UBAC2: variants seen among roughly 807,000 people sequenced by gnomAD.
UBAC2 encodes the protein ubiquitin-associated domain-containing protein 2.
Under a neutral mutation model 44.0 loss-of-function variants are expected in UBAC2, and 26 were observed. The observed-to-expected ratio is 0.59, with a 90% CI of 0.43 to 0.82. The LOEUF (loss-of-function observed/expected upper bound fraction) is 0.82. Among genes scored for constraint, UBAC2 ranks in the 40% least tolerant of loss-of-function variants. The pLI is 0.00. For synonymous variants in UBAC2, 155 were observed against 154.3 expected (o/e 1.00, Z -0.04); for missense variants, 329 against 419.4 (o/e 0.78, Z 1.88).
At chr13:99,271,639 ATACT>A (rs1251342790) in intron 4 of UBAC2, among the ~76,000 whole-genome samples, 1 of 152,204 alleles carries the variant, frequency 6.6e-6, no homozygotes, top group African/African-American at 2.4e-5. Flanking sequence ...CATTTTATAC[ATACT>A]TAGAGTTTTT....
At chr13:99,308,810 G>A (rs1188206110) in intron 4 of UBAC2, 1 of 152,180 alleles carries the variant, frequency 6.6e-6, no homozygotes, top group African/African-American at 2.4e-5. Flanking sequence ...TAAAATAAAG[G>A]TATTGAACTA....
intron 4 of UBAC2, among the ~76,000 whole-genome samples, chr13:99,261,341 G>GTATCTAAAC (rs1594063610): frequency 6.6e-6 from 1 of 152,164 alleles, no homozygotes; most frequent in Admixed American, 6.5e-5. Context: ...TCTCAAACTT[G>GTATCTAAAC]TATCTAAACT....
chr13:99,351,279 T>C (rs2045083543), intron 7 of UBAC2, among the ~76,000 whole-genome samples: 1 of 152,224 alleles, frequency 6.6e-6, no homozygotes, highest in Non-Finnish European at 1.5e-5. Context: ...CCAACCTTGA[T>C]AGTTATTACT....
intron 7 of UBAC2, among the ~76,000 whole-genome samples, chr13:99,361,294 CAAAGT>C (rs893232201): frequency 2.6e-5 from 4 of 152,092 alleles, no homozygotes; most frequent in African/African-American, 9.7e-5. Context: ...TTGAAGAAGA[CAAAGT>C]AAAGGAAACA....
chr13:99,234,225 C>T (rs1281518253), intron 1 of UBAC2, among the ~76,000 whole-genome samples: 3 of 134,084 alleles, frequency 2.2e-5, no homozygotes, highest in African/African-American at 8.3e-5. Flanking sequence ...CTCTGTCGCC[C>T]AGGCTGGAGT....
chr13:99,207,792 G>C (rs2042889907), intron 1 of UBAC2, among the ~76,000 whole-genome samples: 1 of 152,118 alleles, frequency 6.6e-6, no homozygotes, highest in Non-Finnish European at 1.5e-5. Flanking sequence ...CTTCGTTCCA[G>C]CTTAGGATCC....
At chr13:99,277,906 G>A (rs2043905147) in intron 4 of UBAC2, among the ~76,000 whole-genome samples, 1 of 152,166 alleles carries the variant, frequency 6.6e-6, no homozygotes. Context: ...CCATCTGTAG[G>A]AACATAACGT....
rs1555325445 is a variant in UBAC2 at position 99,268,630 on chromosome 13, A to AAAG, written c.389+24008_389+24009insGAA. On this transcript the variant is annotated intron_variant, in intron 4 of 8. Transcript: ENST00000403766. ...CTGTCTCAAAAAAAAAAAAAAAAAA[A>AAAG]AAAAGAAACACAAAAGGTAAAGAAG... 3.3e-3 allele frequency among the ~76,000 whole-genome samples: 461 copies of AAAG among 140,540 alleles called. 1 individual carries two copies. Among genetic ancestry groups the AAAG allele is most frequent in the Middle Eastern group, 7.8e-3 (2 of 256 alleles). 92.2% of individuals were successfully genotyped at this position (140,540 alleles called of 152,430 possible).
chr13:99,233,574 G>A (rs1054204249), intron 1 of UBAC2, among the ~76,000 whole-genome samples: 3 of 152,152 alleles, frequency 2.0e-5, no homozygotes, highest in East Asian at 1.9e-4. Flanking sequence ...TTGAAAGGCC[G>A]CAGGAGCTGG....
intron 4 of UBAC2, among the ~76,000 whole-genome samples, chr13:99,290,051 A>T (rs187130737): frequency 6.6e-6 from 1 of 152,300 alleles, no homozygotes; most frequent in East Asian, 1.9e-4. Context: ...GAGAGAAAAT[A>T]CGATGATGAA....
chr13:99,272,295 A>G (rs936748676), intron 4 of UBAC2, among the ~76,000 whole-genome samples: 1 of 152,220 alleles, frequency 6.6e-6, no homozygotes, highest in Non-Finnish European at 1.5e-5. Context: ...TTAAGCATGT[A>G]TAAGAAAGGA....
intron 8 of UBAC2, among the ~76,000 whole-genome samples, chr13:99,375,570 G>A (rs369903981): frequency 2.0e-5 from 3 of 152,128 alleles, no homozygotes; most frequent in African/African-American, 7.2e-5. Context: ...CAGAATATGG[G>A]AAGTAAAAAC....
At chr13:99,354,051 G>C (rs2045138144) in intron 7 of UBAC2, among the ~76,000 whole-genome samples, 2 of 152,260 alleles carry the variant, frequency 1.3e-5, no homozygotes, top group Admixed American at 6.5e-5. Flanking sequence ...CACGTGCAGT[G>C]CCTGTTCACA....
intron 7 of UBAC2, among the ~76,000 whole-genome samples, chr13:99,354,217 G>A (rs977735644): frequency 6.6e-6 from 1 of 152,216 alleles, no homozygotes; most frequent in Non-Finnish European, 1.5e-5. Flanking sequence ...ATAGGGGGTT[G>A]TACAGGTGAC....
chr13:99,351,956 T>G (rs1225376974), intron 7 of UBAC2: 3 of 350,424 alleles, frequency 8.6e-6, no homozygotes, highest in African/African-American at 6.4e-5. Context: ...TTCGCAGCAT[T>G]TGGTTAAAGT....
In UBAC2 at chr13:99,295,085, T is replaced by A; in HGVS notation, c.390-19012T>A. The A allele has an allele frequency of 1.2e-6, 2 of 1,613,864 alleles. No individual in the cohort carries two copies. The highest frequency in any genetic ancestry group is 1.3e-5 in the African/African-American group (1 of 75,038). ...TCACTTTCCATTTGAAGACTTGGAA[T>A]GTATCATCATCTGCGTTTCTGTCAT... On this transcript the variant is annotated intron_variant, in intron 4 of 8. Coordinates refer to ENST00000403766, the MANE Select transcript of UBAC2 (RefSeq NM_001144072.2). The surrounding 1 kb of genome is among the most constrained non-coding windows in gnomAD (Gnocchi z 4.1).
intron 4 of UBAC2, among the ~76,000 whole-genome samples, chr13:99,302,742 T>G (rs2044274855): frequency 6.6e-6 from 1 of 152,216 alleles, no homozygotes; most frequent in Non-Finnish European, 1.5e-5. Context: ...GTGACCAGCA[T>G]AGTCAGAGCC....
chr13:99,347,334 C>A (rs886508498), intron 7 of UBAC2, among the ~76,000 whole-genome samples: 1 of 64,340 alleles, frequency 1.6e-5, no homozygotes, highest in African/African-American at 5.5e-5. Flanking sequence ...CCCCCCCCCC[C>A]AGGAAAAAAA....
At chr13:99,303,381 C>T (rs1309331624) in intron 4 of UBAC2, among the ~76,000 whole-genome samples, 1 of 152,230 alleles carries the variant, frequency 6.6e-6, no homozygotes, top group Non-Finnish European at 1.5e-5. Context: ...TGGTTGAACA[C>T]CCACTTGCAC....
Sources: gnomAD v4.1 joint callset for allele counts (sites outside exome capture counted in the v4.1 genomes callset) on GRCh38, gnomAD v4.1.1 for gene constraint, Gnocchi (gnomAD v3.1) non-coding constraint, MANE v1.5 for transcripts, NCBI Gene and HGNC (gene_info 2026-07-23, HGNC 2026-07-21) for gene names.